The following CSMD1 variants were observed in gnomAD, a reference collection of about 807,000 sequenced individuals.
The protein encoded by CSMD1 is CUB and sushi domain-containing protein 1.
CSMD1 carries 213 observed loss-of-function variants against 417.5 expected under a neutral mutation model. That is an observed-to-expected ratio of 0.51 (90% CI 0.46 to 0.57). The LOEUF is 0.57. CSMD1 is among the 20% of genes least tolerant of loss of function. CSMD1 has a pLI of 0.00. For missense variants in CSMD1, 6,923 were observed against 4,529.7 expected, an observed-to-expected ratio of 1.53 and a Z score of -15.17; for synonymous variants, 2,862 against 1,736.8, an observed-to-expected ratio of 1.65 and a Z score of -16.11.
rs1386557683 is a variant in CSMD1 at position 4,185,841 on chromosome 8, A to G, written c.416-153742T>C. On this transcript the variant is annotated intron_variant, in intron 3 of 69. Coordinates refer to ENST00000635120, the MANE Select transcript of CSMD1 (RefSeq NM_033225.6). ...CAGAAAGTGCCCTGCATAAGCATGC[A>G]ATGAACAGAGCAACCGTTCTTGTAG... is the stretch of plus-strand genomic sequence containing the variant. Among the ~76,000 whole-genome samples the G allele has an allele frequency of 2.0e-5, 3 of 152,210 alleles. No individual in the cohort carries two copies. In the East Asian group the frequency reaches 5.8e-4, roughly 29 times the overall value.
intron 5 of CSMD1, among the ~76,000 whole-genome samples, chr8:3,977,285 G>T (rs905802225): frequency 1.3e-5 from 2 of 152,064 alleles, no homozygotes; most frequent in African/African-American, 4.8e-5. Context: ...GGAGATTGTG[G>T]GTTCCCTGAA....
In CSMD1 at chr8:3,672,924, C is replaced by A. The variant is rs539212215; in HGVS notation, c.1009+35490G>T. 8.5e-5 allele frequency among the ~76,000 whole-genome samples: 13 copies of A among 152,296 alleles called. No homozygotes were observed. The South Asian group carries it at 2.7e-3, about 32-fold the overall frequency. On this transcript the variant is annotated intron_variant, in intron 7 of 69. Transcript: ENST00000635120. ...TCTATCTTAAAAAGCCTTTTCCAAG[C>A]TCTTCACCCCAAGGAGAATCAATAA...
chr8:3,430,755 A>C (rs1197981441), intron 12 of CSMD1, among the ~76,000 whole-genome samples: 1 of 152,140 alleles, frequency 6.6e-6, no homozygotes, highest in East Asian at 1.9e-4. Flanking sequence ...TGCAGTGAGC[A>C]GCGATCATGG....
At chr8:4,674,128 A>C (rs183515136) in intron 1 of CSMD1, among the ~76,000 whole-genome samples, 78 of 152,322 alleles carry the variant, frequency 5.1e-4, no homozygotes, top group African/African-American at 1.8e-3. Context: ...TGGCCATCTC[A>C]CAGCAGATGT....
In CSMD1 at chr8:4,478,223, T is replaced by A. The variant is rs564186421; in HGVS notation, c.303-58158A>T. On this transcript the variant is annotated intron_variant, in intron 2 of 69. Transcript: ENST00000635120. ...ACTCGCCAAATGATTCACTTCATGTTAATACTGAAAAGCTTCCTTAGAAAT... is the reference window on the plus strand; with the variant it reads ...ACTCGCCAAATGATTCACTTCATGTAAATACTGAAAAGCTTCCTTAGAAAT... Among the ~76,000 whole-genome samples the A allele has an allele frequency of 6.1e-4, 93 of 152,324 alleles. 1 individual carries two copies. In the South Asian group the frequency reaches 8.3e-3, roughly 14 times the overall value.
rs1797209132 is a variant in CSMD1 at position 3,205,640 on chromosome 8, A to C, written c.4868-20T>G. On this transcript the variant is annotated intron_variant, in intron 30 of 69. Coordinates refer to ENST00000635120, the MANE Select transcript of CSMD1 (RefSeq NM_033225.6). ...AGGGAGCTGAAAATAAAATCAACCG[A>C]GAATTAGTCGCTGTGCAATAATAGC... 7.9e-7 allele frequency: 1 copy of C among 1,263,064 alleles called. No homozygotes were observed. The highest frequency in any genetic ancestry group is 1.1e-6 in the Non-Finnish European group (1 of 886,842). The allele number at this position is 1,263,064 out of a possible 1,614,324, so 78.2% of individuals were successfully genotyped here. A position where few individuals can be genotyped will look rare whatever the true frequency, so the allele number is the denominator to read the frequency against.
intron 5 of CSMD1, among the ~76,000 whole-genome samples, chr8:3,767,945 G>A (rs956144923): frequency 6.6e-6 from 1 of 152,114 alleles, no homozygotes; most frequent in Non-Finnish European, 1.5e-5. Flanking sequence ...TTAATGATGT[G>A]AACATTACAC....
chr8:4,051,308 C>G (rs201084534), intron 3 of CSMD1, among the ~76,000 whole-genome samples: 1 of 140,514 alleles, frequency 7.1e-6, no homozygotes, highest in African/African-American at 2.7e-5. Context: ...TTTGAAGACT[C>G]AAAAAAAAAA....
At chr8:3,597,448 A>C (rs1801148509) in intron 8 of CSMD1, among the ~76,000 whole-genome samples, 1 of 140,080 alleles carries the variant, frequency 7.1e-6, no homozygotes, top group South Asian at 2.3e-4. Flanking sequence ...CCCAAGACCT[A>C]GAGAAGTTAT....
At chr8:3,605,516 G>C (rs534460197) in intron 8 of CSMD1, among the ~76,000 whole-genome samples, 1 of 152,286 alleles carries the variant, frequency 6.6e-6, no homozygotes, top group South Asian at 2.1e-4. Context: ...GTGGAAACTA[G>C]AAATGAGCAG....
At chr8:4,468,057 T>A (rs183365433) in intron 2 of CSMD1, among the ~76,000 whole-genome samples, 1 of 121,404 alleles carries the variant, frequency 8.2e-6, no homozygotes, top group Non-Finnish European at 1.7e-5. Flanking sequence ...CTGCCTCCTG[T>A]CCGTCCCTGT....
intron 1 of CSMD1, among the ~76,000 whole-genome samples, chr8:4,993,414 C>T (rs576107493): frequency 3.3e-5 from 5 of 152,302 alleles, no homozygotes; most frequent in African/African-American, 1.2e-4. Flanking sequence ...CTTTCTCGCC[C>T]TGTCTCAAAA....
At chr8:4,283,433 G>C (rs147255701) in intron 3 of CSMD1, among the ~76,000 whole-genome samples, 2 of 152,098 alleles carry the variant, frequency 1.3e-5, no homozygotes, top group African/African-American at 2.4e-5. Context: ...TCTGGGTACA[G>C]GATTTCCAAA....
intron 5 of CSMD1, among the ~76,000 whole-genome samples, chr8:3,888,896 G>C (rs558349699): frequency 6.6e-6 from 1 of 151,952 alleles, no homozygotes; most frequent in Non-Finnish European, 1.5e-5. Context: ...GATGATTTTC[G>C]TCATATAATT....
intron 2 of CSMD1, among the ~76,000 whole-genome samples, chr8:4,533,787 A>G (rs959722516): frequency 6.6e-6 from 1 of 151,598 alleles, no homozygotes; most frequent in Admixed American, 6.6e-5. Context: ...GTACACTGTA[A>G]TTTTTCTGTG....
chr8:4,229,520 CT>C (rs1263070089), intron 3 of CSMD1, among the ~76,000 whole-genome samples: 5 of 152,162 alleles, frequency 3.3e-5, no homozygotes, highest in Admixed American at 3.3e-4. Context: ...TCTACTGTAG[CT>C]TTTTTCCTCT....
At chr8:3,535,356 T>C (rs1481278383) in intron 10 of CSMD1, among the ~76,000 whole-genome samples, 1 of 152,196 alleles carries the variant, frequency 6.6e-6, no homozygotes, top group Non-Finnish European at 1.5e-5. Flanking sequence ...AGGAAGAACC[T>C]GAGTCCAGAG....
intron 12 of CSMD1, among the ~76,000 whole-genome samples, chr8:3,430,476 G>T (rs527829606): frequency 2.0e-5 from 3 of 152,060 alleles, no homozygotes; most frequent in South Asian, 2.1e-4. Flanking sequence ...GTAGATGATG[G>T]TTATGAAGTC....
chr8:3,615,227 T>G (rs1424656743), intron 8 of CSMD1, among the ~76,000 whole-genome samples: 7 of 152,108 alleles, frequency 4.6e-5, no homozygotes, highest in Non-Finnish European at 7.4e-5. Flanking sequence ...AGGAAGCCAT[T>G]TATTGACAGA....
Sources: allele counts gnomAD v4.1 joint callset (sites outside exome capture counted in the v4.1 genomes callset), GRCh38; gene constraint gnomAD v4.1.1; transcripts MANE v1.5; gene names NCBI Gene and HGNC (gene_info 2026-07-23, HGNC 2026-07-21).